DHRSX: variants seen among roughly 807,000 people sequenced by gnomAD.
DHRSX encodes polyprenol dehydrogenase.
In DHRSX, 31 loss-of-function variants were observed where a neutral mutation model predicts 34.0. The ratio of observed to expected loss-of-function variants is 0.91; its 90% confidence interval spans 0.69 to 1.23. The LOEUF is 1.23. DHRSX is among the 50% of genes most tolerant of loss of function. The probability of loss-of-function intolerance (pLI) is 0.00; values close to 1 mark genes in which losing one functional copy is unlikely to be tolerated. For missense variants in DHRSX, 414 were observed against 428.1 expected (o/e 0.97, Z 0.29); for synonymous variants, 201 against 183.8 (o/e 1.09, Z -0.76).
intron 3 of DHRSX, among the ~76,000 whole-genome samples, chrX:2,359,793 G>C (rs2042904761): frequency 6.6e-6 from 1 of 152,134 alleles, no homozygotes; most frequent in Non-Finnish European, 1.5e-5. Flanking sequence ...TGGAGCTGGA[G>C]GCGATTATCC....
intron 3 of DHRSX, among the ~76,000 whole-genome samples, chrX:2,317,587 G>A (rs1215673719): frequency 1.3e-5 from 2 of 151,478 alleles, no homozygotes; most frequent in African/African-American, 2.4e-5. Flanking sequence ...GAGGGCTTTG[G>A]TATAGAAAGG....
intron 1 of DHRSX, among the ~76,000 whole-genome samples, chrX:2,477,980 G>A (rs1376508453): frequency 3.3e-5 from 5 of 152,218 alleles, no homozygotes; most frequent in African/African-American, 2.4e-5. Flanking sequence ...AGTCTACACG[G>A]ATATAAAGAA....
At position 2,230,395 on chromosome X, in the gene DHRSX, A is replaced by T. The variant is rs189024175; in HGVS notation, c.805-9166T>A. Among the ~76,000 whole-genome samples, 797 of 152,284 alleles carry T rather than the reference A, an allele frequency of 5.2e-3. 4 individuals carry two copies. Among genetic ancestry groups the T allele is most frequent in the African/African-American group, 0.019 (772 of 41,560 alleles). On this transcript the variant is annotated intron_variant, in intron 6 of 6. Coordinates refer to ENST00000334651, the MANE Select transcript of DHRSX (RefSeq NM_145177.3). ...CTACAATCTCGTAAGACACACACAC[A>T]AACCTGCTCTTACCAGGAATAAACA...
intron 5 of DHRSX, among the ~76,000 whole-genome samples, chrX:2,264,971 T>C (rs770337679): frequency 5.3e-5 from 7 of 132,366 alleles, no homozygotes. Context: ...AGAGCACCTG[T>C]GCCCAGCAGA....
intron 3 of DHRSX, among the ~76,000 whole-genome samples, chrX:2,303,697 T>C (rs2042042376): frequency 6.6e-6 from 1 of 151,776 alleles, no homozygotes; most frequent in African/African-American, 2.4e-5. Context: ...GACGGATGAA[T>C]TGATGGATGG....
chrX:2,252,588 A>G (rs752015652), intron 5 of DHRSX, among the ~76,000 whole-genome samples: 11 of 152,306 alleles, frequency 7.2e-5, no homozygotes, highest in African/African-American at 2.2e-4. Flanking sequence ...CCAAAGGCAG[A>G]TTTTTCCAGA....
At chrX:2,221,462 G>A (rs1420822017) in intron 6 of DHRSX, among the ~76,000 whole-genome samples, 1 of 152,104 alleles carries the variant, frequency 6.6e-6, no homozygotes, top group Admixed American at 6.5e-5. Flanking sequence ...GCATTTCAGT[G>A]GTGGGTTAAT....
chrX:2,256,791 C>CAA lies in DHRSX; in HGVS notation c.596+9947_596+9948dup, dbSNP rs111988428. Among the ~76,000 whole-genome samples, 1,295 of 145,308 alleles carry CAA rather than the reference C, an allele frequency of 8.9e-3. 9 individuals carry two copies. Among genetic ancestry groups the CAA allele is most frequent in the African/African-American group, 0.028 (1,116 of 40,242 alleles). Reference sequence around the variant, plus strand: ...AAAGCCAAGAACCACATCTTTCATCCAAAAAAAAAAAGCAGTATATTTTAA... The same window carrying CAA: ...AAAGCCAAGAACCACATCTTTCATCCAAAAAAAAAAAAAGCAGTATATTTTAA... On this transcript the variant is annotated intron_variant, in intron 5 of 6. Transcript: ENST00000334651.
At chrX:2,306,680 G>A (rs2042101063) in intron 3 of DHRSX, among the ~76,000 whole-genome samples, 3 of 151,982 alleles carry the variant, frequency 2.0e-5, no homozygotes, top group Non-Finnish European at 2.9e-5. Context: ...ACGCACTGCT[G>A]GATTCTGTTT....
chrX:2,376,939 A>G (rs766743291), intron 3 of DHRSX, among the ~76,000 whole-genome samples: 1 of 151,936 alleles, frequency 6.6e-6, no homozygotes, highest in South Asian at 2.1e-4. Flanking sequence ...AGTTGCAGTG[A>G]GCCGAGATCA....
At chrX:2,225,092 C>G (rs1386319639) in intron 6 of DHRSX, among the ~76,000 whole-genome samples, 1 of 151,098 alleles carries the variant, frequency 6.6e-6, no homozygotes, top group East Asian at 2.0e-4. Flanking sequence ...CACTCATTCA[C>G]ATGCACACAG....
chrX:2,338,940 T>C (rs2042605123), intron 3 of DHRSX, among the ~76,000 whole-genome samples: 1 of 151,862 alleles, frequency 6.6e-6, no homozygotes, highest in African/African-American at 2.4e-5. Flanking sequence ...ACCACCTACT[T>C]CCCACTCCCC....
chrX:2,267,487 G>A (rs1317856262), intron 4 of DHRSX, among the ~76,000 whole-genome samples: 1 of 151,198 alleles, frequency 6.6e-6, no homozygotes, highest in Non-Finnish European at 1.5e-5. Context: ...GGAGGTTGCA[G>A]TGAGCTGAGA....
intron 3 of DHRSX, among the ~76,000 whole-genome samples, chrX:2,356,097 C>T (rs1238684798): frequency 6.6e-6 from 1 of 151,180 alleles, no homozygotes; most frequent in African/African-American, 2.4e-5. Flanking sequence ...AATAATTAGC[C>T]GGGTCTGGTG....
At chrX:2,445,970 G>A (rs2044127593) in intron 1 of DHRSX, among the ~76,000 whole-genome samples, 1 of 151,630 alleles carries the variant, frequency 6.6e-6, no homozygotes. Flanking sequence ...GTGGTCAAGG[G>A]ACCGCACTGA....
intron 3 of DHRSX, among the ~76,000 whole-genome samples, chrX:2,368,168 G>T (rs1011267712): frequency 3.1e-4 from 47 of 151,844 alleles, no homozygotes; most frequent in East Asian, 1.7e-3. Context: ...ACTTGAACCT[G>T]GGAGGCAGAG....
chrX:2,337,574 A>G lies in DHRSX; in HGVS notation c.287-45971T>C, dbSNP rs760872933. Among the ~76,000 whole-genome samples the G allele has an allele frequency of 2.2e-3, 334 of 152,194 alleles. 3 individuals are homozygous for G. Among genetic ancestry groups the G allele is most frequent in the African/African-American group, 7.6e-3 (317 of 41,552 alleles). On this transcript the variant is annotated intron_variant, in intron 3 of 6. Transcript: ENST00000334651. Reference sequence around the variant, plus strand: ...GAGAAACACTGATTGGAGAAAATTTACAGTTGCTGTTTAGACACTTGAGCC... The same window carrying G: ...GAGAAACACTGATTGGAGAAAATTTGCAGTTGCTGTTTAGACACTTGAGCC...
intron 3 of DHRSX, among the ~76,000 whole-genome samples, chrX:2,294,766 A>AAGAG (rs779339446): frequency 4.1e-4 from 61 of 149,106 alleles, no homozygotes; most frequent in Non-Finnish European, 7.5e-4. Flanking sequence ...GAGACAGAGA[A>AAGAG]AGAGAGAGAG....
chrX:2,295,245 TA>T (rs199509443), intron 3 of DHRSX, among the ~76,000 whole-genome samples: 90,212 of 151,522 alleles, frequency 0.6, 28,274 homozygotes, highest in Middle Eastern at 0.76. Flanking sequence ...TATGCAGCCA[TA>T]AAAAAAGGAT....
Sources: gnomAD v4.1 joint callset for allele counts (sites outside exome capture counted in the v4.1 genomes callset) on GRCh38, gnomAD v4.1.1 for gene constraint, MANE v1.5 for transcripts, NCBI Gene and HGNC (gene_info 2026-07-23, HGNC 2026-07-21) for gene names.